Variants in RPS6KA6 observed in about 807,000 individuals in gnomAD.
The protein encoded by RPS6KA6 is ribosomal protein S6 kinase A6.
RPS6KA6 carries 27 observed loss-of-function variants against 65.4 expected under a neutral mutation model. That is an observed-to-expected ratio of 0.41 (90% CI 0.30 to 0.57). The LOEUF (loss-of-function observed/expected upper bound fraction) is 0.57. RPS6KA6 is among the 20% of genes least tolerant of loss of function. RPS6KA6 has a pLI of 0.24. For missense variants in RPS6KA6, 486 were observed against 555.6 expected (o/e 0.87, Z 1.26); for synonymous variants, 190 against 184.2 (o/e 1.03, Z -0.26).
At chrX:84,129,484 T>C (rs913729249) in intron 8 of RPS6KA6, among the ~76,000 whole-genome samples, 6 of 111,440 alleles carry the variant, frequency 5.4e-5, no homozygotes, top group Admixed American at 9.5e-5. Context: ...GATCCATTAA[T>C]CCCACTGCTG....
intron 20 of RPS6KA6, among the ~76,000 whole-genome samples, chrX:84,080,319 A>T (rs2033764449): frequency 2.2e-5 from 2 of 89,233 alleles, no homozygotes; most frequent in South Asian, 1.4e-3. Context: ...ACAGAAAGGA[A>T]TAGCATCAAC....
chrX:84,090,688 G>A (rs908900291), intron 20 of RPS6KA6, among the ~76,000 whole-genome samples: 4 of 111,310 alleles, frequency 3.6e-5, no homozygotes, highest in South Asian at 3.8e-4. Context: ...TCACTATCAC[G>A]CGAACAACAT....
At chrX:84,174,492 T>G (rs2035733211) in intron 1 of RPS6KA6, among the ~76,000 whole-genome samples, 1 of 111,786 alleles carries the variant, frequency 8.9e-6, no homozygotes, top group South Asian at 3.7e-4. Flanking sequence ...TCCAAGCGAT[T>G]ACTTTAGTCA....
chrX:84,082,596 C>T (rs976668702), intron 20 of RPS6KA6, among the ~76,000 whole-genome samples: 7 of 111,604 alleles, frequency 6.3e-5, no homozygotes, highest in African/African-American at 2.3e-4. Flanking sequence ...GAAAAAATTA[C>T]TTTAAATTGC....
chrX:84,150,915 G>T (rs187987052), intron 3 of RPS6KA6, among the ~76,000 whole-genome samples: 1 of 80,620 alleles, frequency 1.2e-5, no homozygotes, highest in African/African-American at 4.8e-5. Context: ...ATATAGAGAG[G>T]ATATATATAG....
chrX:84,102,235 A>ATGC, intron 17 of RPS6KA6, 37 bp from the exon 18 acceptor site: 1 of 677,060 alleles, frequency 1.5e-6, no homozygotes, highest in Non-Finnish European at 2.0e-6. Flanking sequence ...TATCTATATA[A>ATGC]TTAACTAAAT....
At chrX:84,065,650 T>C (rs2033384060) in intron 20 of RPS6KA6, among the ~76,000 whole-genome samples, 2 of 112,097 alleles carry the variant, frequency 1.8e-5, no homozygotes, top group African/African-American at 6.5e-5. Context: ...TCAAAGTAAG[T>C]GTACGTTTGC....
chrX:84,071,260 C>T (rs1355677280), intron 20 of RPS6KA6, among the ~76,000 whole-genome samples: 4 of 111,621 alleles, frequency 3.6e-5, no homozygotes, highest in East Asian at 2.8e-4. Flanking sequence ...CTGATAAAGA[C>T]GTGGGGAAAC....
chrX:84,118,451 G>C (rs773855557), intron 9 of RPS6KA6, among the ~76,000 whole-genome samples: 4 of 111,210 alleles, frequency 3.6e-5, no homozygotes, highest in African/African-American at 9.8e-5. Context: ...TAATATATAC[G>C]TATTAAGGTC....
At chrX:84,170,357 T>C (rs1378113600) in intron 1 of RPS6KA6, among the ~76,000 whole-genome samples, 1 of 110,254 alleles carries the variant, frequency 9.1e-6, no homozygotes, top group Non-Finnish European at 1.9e-5. Context: ...CGGCCAGGCA[T>C]AGTGGCTCAC....
At chrX:84,070,453 A>G (rs1394347741) in intron 20 of RPS6KA6, among the ~76,000 whole-genome samples, 1 of 110,694 alleles carries the variant, frequency 9.0e-6, no homozygotes, top group African/African-American at 3.3e-5. Flanking sequence ...TGCGGGGCTT[A>G]AAAACTGAAT....
At chrX:84,174,805 CTCA>C (rs778043912) in intron 1 of RPS6KA6, among the ~76,000 whole-genome samples, 1 of 111,448 alleles carries the variant, frequency 9.0e-6, no homozygotes, top group Non-Finnish European at 1.9e-5. Flanking sequence ...GGAAAGGGAT[CTCA>C]TCATATTACT....
chrX:84,160,769 G>A (rs745727225), intron 2 of RPS6KA6, among the ~76,000 whole-genome samples: 2 of 110,807 alleles, frequency 1.8e-5, no homozygotes, highest in South Asian at 7.6e-4. Context: ...TGAATAATAT[G>A]GGGTCATTGA....
At chrX:84,185,934 G>C in intron 1 of RPS6KA6, 1 of 442,100 alleles carries the variant, frequency 2.3e-6, no homozygotes, top group Admixed American at 3.3e-5. Context: ...TACTAAGTGG[G>C]TCTGTTCAAA....
chrX:84,168,736 A>G (rs369148927), intron 1 of RPS6KA6, among the ~76,000 whole-genome samples: 4 of 112,020 alleles, frequency 3.6e-5, no homozygotes, highest in Non-Finnish European at 7.5e-5. Flanking sequence ...CTTCCTATTC[A>G]TATCATCTTA....
intron 20 of RPS6KA6, among the ~76,000 whole-genome samples, chrX:84,071,357 G>A (rs1475604072): frequency 1.8e-5 from 2 of 111,430 alleles, no homozygotes; most frequent in East Asian, 2.8e-4. Flanking sequence ...GTTTCCACCC[G>A]CCAAAATGGA....
chrX:84,123,610 G>A (rs191626548), intron 8 of RPS6KA6, among the ~76,000 whole-genome samples: 26 of 112,471 alleles, frequency 2.3e-4, no homozygotes, highest in Admixed American at 2.1e-3. Context: ...TCCCTGTGGA[G>A]AGGGGAGGGA....
chrX:84,105,103 T>A (rs1485587237), intron 16 of RPS6KA6, among the ~76,000 whole-genome samples: 1 of 110,444 alleles, frequency 9.1e-6, no homozygotes. Flanking sequence ...CTGGTTGAAT[T>A]CCAATAGTAT....
chrX:84,176,481 T>A (rs1025625479), intron 1 of RPS6KA6, among the ~76,000 whole-genome samples: 10 of 112,014 alleles, frequency 8.9e-5, no homozygotes, highest in African/African-American at 3.2e-4. Context: ...TGAATTAAGT[T>A]TAAATTGTCC....
Sources: allele counts gnomAD v4.1 joint callset (sites outside exome capture counted in the v4.1 genomes callset), GRCh38; gene constraint gnomAD v4.1.1; transcripts MANE v1.5; gene names NCBI Gene and HGNC (gene_info 2026-07-23, HGNC 2026-07-21).